The following APBB2 variants were observed in gnomAD, a reference collection of about 807,000 sequenced individuals.
APBB2 encodes the protein amyloid beta precursor protein binding family B member 2.
APBB2 carries 38 observed loss-of-function variants against 82.5 expected under a neutral mutation model. The ratio of observed to expected loss-of-function variants is 0.46; its 90% CI spans 0.36 to 0.60. APBB2 has a LOEUF of 0.60. Ranked by LOEUF, APBB2 falls within the 20% of genes least tolerant of loss-of-function variation. The pLI, the probability that APBB2 is intolerant of heterozygous loss-of-function variation, is 0.00. For synonymous variants in APBB2, 341 were observed against 368.2 expected (o/e 0.93, Z 0.85); for missense variants, 772 against 972.3 (o/e 0.79, Z 2.74).
intron 1 of APBB2, among the ~76,000 whole-genome samples, chr4:41,182,563 A>G (rs981080390): frequency 6.6e-6 from 1 of 152,216 alleles, no homozygotes; most frequent in Non-Finnish European, 1.5e-5. Context: ...CCTATTCAAT[A>G]TCATCACATG....
At chr4:40,949,953 G>T (rs1045832815) in intron 6 of APBB2, among the ~76,000 whole-genome samples, 4 of 152,130 alleles carry the variant, frequency 2.6e-5, no homozygotes, top group Non-Finnish European at 5.9e-5. Flanking sequence ...CCTCTTAGGG[G>T]GTGAGATTCG....
intron 6 of APBB2, among the ~76,000 whole-genome samples, chr4:40,955,722 G>C (rs1791435480): frequency 1.3e-5 from 2 of 152,078 alleles, no homozygotes; most frequent in South Asian, 4.1e-4. Context: ...AGGCCAGCCT[G>C]AGCAACATAA....
chr4:41,063,772 G>C (rs1440473523), intron 4 of APBB2, among the ~76,000 whole-genome samples: 1 of 152,052 alleles, frequency 6.6e-6, no homozygotes, highest in South Asian at 2.1e-4. Flanking sequence ...TGTACCTCCT[G>C]GGCTCAAGCA....
intron 2 of APBB2, among the ~76,000 whole-genome samples, chr4:41,119,114 G>C (rs1479860757): frequency 6.6e-6 from 1 of 151,012 alleles, no homozygotes; most frequent in African/African-American, 2.4e-5. Flanking sequence ...ACTCCAGCCT[G>C]GGTGACAGAG....
intron 15 of APBB2, among the ~76,000 whole-genome samples, chr4:40,824,610 CTG>C (rs1304890935): frequency 6.6e-6 from 1 of 152,124 alleles, no homozygotes; most frequent in Non-Finnish European, 1.5e-5. Context: ...ACCTCGGCCT[CTG>C]GAGTAGCTGG....
intron 7 of APBB2, among the ~76,000 whole-genome samples, chr4:40,936,482 C>T (rs1785394637): frequency 6.6e-6 from 1 of 152,168 alleles, no homozygotes; most frequent in Non-Finnish European, 1.5e-5. Context: ...GTCTTGAACT[C>T]CTGAGCTCAA....
intron 1 of APBB2, among the ~76,000 whole-genome samples, chr4:41,159,943 GAGA>G (rs374703296): frequency 0.23 from 10,903 of 47,300 alleles, 3,006 homozygotes; most frequent in South Asian, 0.28. Context: ...GGAGGAGGAG[GAGA>G]AGGAGAAGGA....
chr4:41,188,283 C>G (rs994006837), intron 1 of APBB2, among the ~76,000 whole-genome samples: 10 of 152,134 alleles, frequency 6.6e-5, no homozygotes, highest in African/African-American at 1.7e-4. Flanking sequence ...GACAAGCTAC[C>G]TCCATGAAGT....
chr4:41,118,658 T>C (rs1050196558), intron 2 of APBB2, among the ~76,000 whole-genome samples: 4 of 152,340 alleles, frequency 2.6e-5, no homozygotes, highest in African/African-American at 9.6e-5. Context: ...AAGGTTTTTA[T>C]ATGTGGTACT....
At chr4:41,131,240 G>C (rs976891041) in intron 2 of APBB2, among the ~76,000 whole-genome samples, 19 of 152,074 alleles carry the variant, frequency 1.2e-4, no homozygotes. Flanking sequence ...CTATGCCCAA[G>C]TTCACTGGTT....
intron 1 of APBB2, among the ~76,000 whole-genome samples, chr4:41,182,220 C>G (rs1354916082): frequency 6.6e-6 from 1 of 152,196 alleles, no homozygotes; most frequent in Admixed American, 6.5e-5. Context: ...ATTAAGCTCA[C>G]TCCAATTAGG....
At chr4:40,896,414 C>T (rs531233518) in intron 10 of APBB2, among the ~76,000 whole-genome samples, 1 of 152,324 alleles carries the variant, frequency 6.6e-6, no homozygotes, top group Admixed American at 6.5e-5. Context: ...AGCCTGCATT[C>T]TAATCTCAGC....
At chr4:40,946,485 A>G (rs1788497263) in intron 6 of APBB2, among the ~76,000 whole-genome samples, 1 of 152,090 alleles carries the variant, frequency 6.6e-6, no homozygotes, top group Non-Finnish European at 1.5e-5. Flanking sequence ...AATTCCCATC[A>G]TATCTGGCCT....
In APBB2 at chr4:40,846,326, CAAAAAAA is replaced by C. The variant is rs3086182; in HGVS notation, c.1530-15756_1530-15750del. Among the ~76,000 whole-genome samples, 50 of 62,508 alleles carry C rather than the reference CAAAAAAA, an allele frequency of 8.0e-4. 1 individual carries two copies. The highest frequency in any genetic ancestry group is 1.0e-3 in the Non-Finnish European group (35 of 33,664). The allele number at this position is 62,508 out of a possible 152,430, so 41.0% of individuals were successfully genotyped here. A position where few individuals can be genotyped will look rare whatever the true frequency, so the allele number is the denominator to read the frequency against. ...TCAAGGCCCTCGGATGAAAACACTCCAAAAAAAAAAAAAAAAAAAAAAGTGCACAGAC... is the reference window on the plus strand; with the variant it reads ...TCAAGGCCCTCGGATGAAAACACTCCAAAAAAAAAAAAAAAGTGCACAGAC... On this transcript the variant is annotated intron_variant, in intron 12 of 17. Transcript: ENST00000508593.
intron 4 of APBB2, among the ~76,000 whole-genome samples, chr4:41,040,088 A>G (rs1057388425): frequency 4.6e-5 from 7 of 152,082 alleles, no homozygotes; most frequent in African/African-American, 1.7e-4. Context: ...GGAGCTAAAA[A>G]CTATAATTAT....
At position 41,013,708 on chromosome 4, in the gene APBB2, G is replaced by A. The variant is rs777751775; in HGVS notation, c.710C>T (p.Pro237Leu). 3.7e-6 allele frequency: 6 copies of A among 1,614,154 alleles called. No individual in the cohort carries two copies. Among genetic ancestry groups the A allele is most frequent in the South Asian group, 2.2e-5 (2 of 91,086 alleles). Residue 237 changes from proline (P) to leucine (L), a missense_variant, in exon 6 of 18, where the codon CCG becomes CTG. Coordinates refer to ENST00000508593, the MANE Select transcript of APBB2 (RefSeq NM_004307.2). The part of the protein sequence containing the change: ...SSSPETKKDH[P>L]KTGAKTDCAL... ...ACAGTCGGTTTTGGCCCCTGTTTTC[G>A]GATGATCCTTCTTGGTTTCTGGGCT...
At chr4:41,187,284 T>C (rs1773160103) in intron 1 of APBB2, among the ~76,000 whole-genome samples, 1 of 152,240 alleles carries the variant, frequency 6.6e-6, no homozygotes. Flanking sequence ...TTTTATACTT[T>C]GTTATTTACT....
At chr4:41,113,364 T>C (rs573875502) in intron 2 of APBB2, among the ~76,000 whole-genome samples, 47 of 152,266 alleles carry the variant, frequency 3.1e-4, no homozygotes, top group African/African-American at 1.1e-3. Context: ...TAGCTGGAAT[T>C]TTAGATTTAA....
chr4:40,955,498 A>G (rs1391835981), intron 6 of APBB2, among the ~76,000 whole-genome samples: 1 of 152,262 alleles, frequency 6.6e-6, no homozygotes, highest in Non-Finnish European at 1.5e-5. Flanking sequence ...CCCATTCTTG[A>G]AGGGATCTTT....
Sources: gnomAD v4.1 joint callset for allele counts (sites outside exome capture counted in the v4.1 genomes callset) on GRCh38, gnomAD v4.1.1 for gene constraint, MANE v1.5 for transcripts, NCBI Gene and HGNC (gene_info 2026-07-23, HGNC 2026-07-21) for gene names.